Variants in SGK3 observed in about 807,000 individuals in gnomAD.
SGK3 encodes the protein serum/glucocorticoid regulated kinase family member 3, also known as serine/threonine-protein kinase Sgk3.
A neutral mutation model predicts 68.5 loss-of-function variants in SGK3; 47 were observed. The ratio of observed to expected loss-of-function variants is 0.69; its 90% CI spans 0.54 to 0.87. The LOEUF (loss-of-function observed/expected upper bound fraction) is 0.87. Ranked by LOEUF, SGK3 falls within the 40% of genes least tolerant of loss-of-function variation. The pLI, the probability that SGK3 is intolerant of heterozygous loss-of-function variation, is 0.00. For synonymous variants in SGK3, 181 were observed against 189.1 expected (o/e 0.96, Z 0.35); for missense variants, 479 against 575.5 (o/e 0.83, Z 1.72).
chr8:66,849,780 T>C (rs1363507015), intron 15 of SGK3, among the ~76,000 whole-genome samples: 1 of 151,940 alleles, frequency 6.6e-6, no homozygotes, highest in Non-Finnish European at 1.5e-5. Flanking sequence ...AGTCTCATCA[T>C]ATTGCCCAGG....
In SGK3 at chr8:66,792,011, C is replaced by G. The variant is rs566840385; in HGVS notation, c.-121-1605C>G. Among the ~76,000 whole-genome samples, 208 of 152,258 alleles carry G rather than the reference C, an allele frequency of 1.4e-3. 1 individual carries two copies. The South Asian group carries it at 0.022, about 16-fold the overall frequency. ...GAGACCAATTACATGTCTGTATGTT[C>G]TAACAACTAATTCAGCTACGTAGAA... is the stretch of plus-strand genomic sequence containing the variant. On this transcript the variant is annotated intron_variant, in intron 1 of 16. Coordinates refer to ENST00000521198, the MANE Select transcript of SGK3 (RefSeq NM_001033578.3).
chr8:66,835,537 G>A (rs374722794), intron 8 of SGK3, among the ~76,000 whole-genome samples: 1 of 152,096 alleles, frequency 6.6e-6, no homozygotes, highest in Non-Finnish European at 1.5e-5. Flanking sequence ...CTCAAGCAGT[G>A]TAGATTTGGG....
intron 1 of SGK3, among the ~76,000 whole-genome samples, chr8:66,738,034 T>C (rs1805374403): frequency 6.6e-6 from 1 of 152,078 alleles, no homozygotes; most frequent in African/African-American, 2.4e-5. Flanking sequence ...AAACAAAATA[T>C]ATTGTCTCTA....
chr8:66,738,109 C>G (rs149696333), intron 1 of SGK3, among the ~76,000 whole-genome samples: 189 of 152,272 alleles, frequency 1.2e-3, no homozygotes, highest in Admixed American at 2.7e-3. Context: ...TGTCCCTCTT[C>G]AATTTATGGT....
intron 15 of SGK3, among the ~76,000 whole-genome samples, chr8:66,850,456 A>G (rs1029740362): frequency 1.3e-5 from 2 of 152,214 alleles, no homozygotes; most frequent in African/African-American, 4.8e-5. Context: ...TACTCCAGTA[A>G]TAACACTAAT....
At chr8:66,815,212 A>G (rs118096844) in intron 5 of SGK3, among the ~76,000 whole-genome samples, 1 of 152,336 alleles carries the variant, frequency 6.6e-6, no homozygotes, top group Non-Finnish European at 1.5e-5. Context: ...AATTTACTAA[A>G]TTACTAAAAT....
At position 66,748,097 on chromosome 8, in the gene SGK3, C is replaced by T. The variant is rs1450373660; in HGVS notation, c.-122+35264C>T. Among the ~76,000 whole-genome samples, 28 of 152,170 alleles carry T rather than the reference C, an allele frequency of 1.8e-4. 1 individual carries two copies. The highest frequency in any genetic ancestry group is 2.9e-5 in the Non-Finnish European group (2 of 68,020). On this transcript the variant is annotated intron_variant, in intron 1 of 16. Transcript: ENST00000521198. ...CTTGTAAAGGCCTCAGCACCAGGCTCAGCTCTTGTTATTGAGGTATGTGAA... is the reference window on the plus strand; with the variant it reads ...CTTGTAAAGGCCTCAGCACCAGGCTTAGCTCTTGTTATTGAGGTATGTGAA...
intron 16 of SGK3, among the ~76,000 whole-genome samples, chr8:66,856,538 T>C (rs1030869171): frequency 2.6e-5 from 4 of 152,208 alleles, no homozygotes; most frequent in African/African-American, 9.6e-5. Flanking sequence ...GTGACTGTCA[T>C]GTAGATGCTC....
intron 16 of SGK3, among the ~76,000 whole-genome samples, chr8:66,856,904 C>G (rs539657049): frequency 6.6e-6 from 1 of 151,914 alleles, no homozygotes; most frequent in African/African-American, 2.4e-5. Flanking sequence ...ACCAGCCTGG[C>G]CAACATGGTG....
At chr8:66,752,850 G>A (rs747138001) in intron 1 of SGK3, among the ~76,000 whole-genome samples, 19 of 151,996 alleles carry the variant, frequency 1.3e-4, no homozygotes, top group Non-Finnish European at 2.5e-4. Context: ...GAAGTCACAG[G>A]TTTCTTTATT....
intron 1 of SGK3, among the ~76,000 whole-genome samples, chr8:66,755,448 T>TATTC: frequency 6.6e-6 from 1 of 152,166 alleles, no homozygotes; most frequent in Non-Finnish European, 1.5e-5. Context: ...AGGTGTGGAA[T>TATTC]ATTCCACTTG....
intron 1 of SGK3, among the ~76,000 whole-genome samples, chr8:66,757,672 T>C (rs1451709202): frequency 6.6e-6 from 1 of 151,546 alleles, no homozygotes; most frequent in Non-Finnish European, 1.5e-5. Flanking sequence ...CCCAGCACTT[T>C]GGGGGGCTGA....
At chr8:66,777,497 C>T (rs1470025463) in intron 1 of SGK3, among the ~76,000 whole-genome samples, 1 of 152,106 alleles carries the variant, frequency 6.6e-6, no homozygotes, top group Non-Finnish European at 1.5e-5. Flanking sequence ...TTATTTATTC[C>T]TAGTTACCCA....
intron 1 of SGK3, among the ~76,000 whole-genome samples, chr8:66,784,238 T>C (rs1338273079): frequency 1.3e-5 from 2 of 152,166 alleles, no homozygotes; most frequent in Admixed American, 1.3e-4. Context: ...CTTTTGTATC[T>C]TCCTTGACCA....
rs556911680 is a variant in SGK3, at chr8:66,768,725, C to T, written c.-121-24891C>T. Among the ~76,000 whole-genome samples the T allele has an allele frequency of 1.8e-4, 28 of 152,070 alleles. 2 individuals are homozygous for T. The South Asian group carries it at 2.1e-3, about 11-fold the overall frequency. ...AATTACTGGCGTGTGCCACCACACCCGGCTAATTTTTGTATTTTTAGTAGA... is the reference window on the plus strand; with the variant it reads ...AATTACTGGCGTGTGCCACCACACCTGGCTAATTTTTGTATTTTTAGTAGA... On this transcript the variant is annotated intron_variant, in intron 1 of 16. Transcript: ENST00000521198.
intron 1 of SGK3, among the ~76,000 whole-genome samples, chr8:66,770,115 G>A (rs1399570490): frequency 1.3e-5 from 2 of 151,922 alleles, no homozygotes; most frequent in Admixed American, 6.6e-5. Context: ...CACCACACCC[G>A]GCTAATTTTT....
intron 1 of SGK3, chr8:66,778,161 T>C (rs1387039548): frequency 6.6e-6 from 1 of 152,276 alleles, no homozygotes; most frequent in Non-Finnish European, 1.5e-5. Context: ...TAGCACAGTC[T>C]ACTTTGAATT....
intron 2 of SGK3, 102 bp downstream of exon 2, chr8:66,793,934 C>T: frequency 5.9e-6 from 7 of 1,189,580 alleles, no homozygotes; most frequent in Non-Finnish European, 8.4e-6. Context: ...TCCCCATCTC[C>T]ACATACCTAG....
chr8:66,812,691 A>T (rs533467961), intron 4 of SGK3, among the ~76,000 whole-genome samples: 10 of 152,312 alleles, frequency 6.6e-5, no homozygotes, highest in African/African-American at 1.9e-4. Flanking sequence ...TCTGCCAAAC[A>T]TGCTACTATA....
Sources: allele counts gnomAD v4.1 joint callset (sites outside exome capture counted in the v4.1 genomes callset), GRCh38; gene constraint gnomAD v4.1.1; transcripts MANE v1.5; gene names NCBI Gene and HGNC (gene_info 2026-07-23, HGNC 2026-07-21).